The following FAT3 variants were observed in gnomAD, a reference collection of about 807,000 sequenced individuals.
FAT3 encodes the protein FAT atypical cadherin 3.
In FAT3, 95 loss-of-function variants were observed where a neutral mutation model predicts 310.2. That is an observed-to-expected ratio of 0.31 (90% CI 0.26 to 0.36). FAT3 has a LOEUF of 0.36. FAT3 is among the 10% of genes least tolerant of loss of function. The pLI, the probability that FAT3 is intolerant of heterozygous loss-of-function variation, is 1.00. For synonymous variants in FAT3, 2,314 were observed against 2,192.9 expected, an observed-to-expected ratio of 1.06 and a Z score of -1.54; for missense variants, 5,408 against 5,715.6, an observed-to-expected ratio of 0.95 and a Z score of 1.74.
intron 3 of FAT3, among the ~76,000 whole-genome samples, chr11:92,628,571 G>A (rs1941422048): frequency 6.6e-6 from 1 of 152,188 alleles, no homozygotes; most frequent in African/African-American, 2.4e-5. Flanking sequence ...TCTTTAAATT[G>A]CAATTGACAG....
chr11:92,455,652 G>A (rs1951475889), intron 2 of FAT3, among the ~76,000 whole-genome samples: 1 of 152,146 alleles, frequency 6.6e-6, no homozygotes, highest in Non-Finnish European at 1.5e-5. Flanking sequence ...CCTTAGTTAA[G>A]TGGTGATATA....
intron 4 of FAT3, among the ~76,000 whole-genome samples, chr11:92,730,113 G>A (rs1477160044): frequency 2.0e-5 from 3 of 152,164 alleles, no homozygotes; most frequent in Non-Finnish European, 2.9e-5. Context: ...AGGCCGAGGT[G>A]GGAGAATCAC....
At chr11:92,271,731 T>A (rs74440856) in intron 1 of FAT3, among the ~76,000 whole-genome samples, 2,273 of 152,266 alleles carry the variant, frequency 0.015, 60 homozygotes, top group African/African-American at 0.052. Flanking sequence ...AAGAGAGAGG[T>A]AACAATTTGC....
intron 1 of FAT3, among the ~76,000 whole-genome samples, chr11:92,344,327 G>A (rs993094649): frequency 1.3e-5 from 2 of 152,068 alleles, no homozygotes; most frequent in Non-Finnish European, 2.9e-5. Context: ...TTCCTCCAAC[G>A]TCCTGCTGGG....
intron 22 of FAT3, among the ~76,000 whole-genome samples, chr11:92,878,758 C>CA (rs1287005136): frequency 7.2e-6 from 1 of 139,566 alleles, no homozygotes; most frequent in African/African-American, 2.6e-5. Context: ...AAAAGTAAAG[C>CA]AAAACCTCAT....
intron 2 of FAT3, among the ~76,000 whole-genome samples, chr11:92,506,191 GC>G (rs1953094531): frequency 3.3e-5 from 5 of 152,212 alleles, no homozygotes; most frequent in African/African-American, 9.6e-5. Context: ...TTGCATTTTT[GC>G]AAACCTTTCT....
chr11:92,872,411 T>C lies in FAT3; in HGVS notation c.12127+5202T>C, dbSNP rs571879369. The stretch of plus-strand genomic sequence containing the variant: ...TGCTCCACCCACTGGCTTACTGAGC[T>C]TCGAGAAGGGAGATGTCAAACTCCC... On this transcript the variant is annotated intron_variant, in intron 22 of 27. Coordinates refer to ENST00000525166, the MANE Select transcript of FAT3 (RefSeq NM_001367949.2). 5.3e-5 allele frequency among the ~76,000 whole-genome samples: 8 copies of C among 152,336 alleles called. No homozygotes were observed. In the South Asian group the frequency reaches 1.7e-3, roughly 32 times the overall value.
intron 1 of FAT3, among the ~76,000 whole-genome samples, chr11:92,337,878 A>T (rs1235220275): frequency 1.3e-5 from 2 of 152,206 alleles, no homozygotes; most frequent in South Asian, 2.1e-4. Context: ...ATGGGCATTG[A>T]AAAGCACGTT....
intron 2 of FAT3, among the ~76,000 whole-genome samples, chr11:92,492,874 AG>A (rs1952648631): frequency 6.6e-6 from 1 of 152,112 alleles, no homozygotes; most frequent in Non-Finnish European, 1.5e-5. Context: ...TCCCTGAGGC[AG>A]TCATCATCAA....
intron 2 of FAT3, 124 bp from the exon 3 acceptor site, chr11:92,524,510 A>G: frequency 1.3e-6 from 1 of 785,060 alleles, no homozygotes; most frequent in Non-Finnish European, 2.0e-6. Context: ...ATTTAACCTT[A>G]TGTTATGGAT....
chr11:92,333,704 C>T (rs1257136961), intron 1 of FAT3, among the ~76,000 whole-genome samples: 1 of 151,894 alleles, frequency 6.6e-6, no homozygotes, highest in African/African-American at 2.4e-5. Context: ...TCTACTTCTG[C>T]CTCATAAATA....
chr11:92,753,798 G>GTGTA lies in FAT3; in HGVS notation c.3670-8057_3670-8056insGTAT. Among the ~76,000 whole-genome samples the GTGTA allele has an allele frequency of 4.8e-4, 57 of 119,182 alleles. 3 individuals are homozygous for GTGTA. Among genetic ancestry groups the GTGTA allele is most frequent in the African/African-American group, 2.0e-3 (52 of 25,744 alleles). The allele number at this position is 119,182 out of a possible 152,430, so 78.2% of individuals were successfully genotyped here. On this transcript the variant is annotated intron_variant, in intron 4 of 27. Transcript: ENST00000525166. ...GGTGTGTGTGTGTGTGTGTGTGTGT[G>GTGTA]TATATATATATGGTGGAATACTACT...
intron 3 of FAT3, among the ~76,000 whole-genome samples, chr11:92,638,089 C>CATTTT (rs1293249154): frequency 3.9e-5 from 6 of 152,188 alleles, no homozygotes; most frequent in African/African-American, 1.4e-4. Flanking sequence ...TCACTATATG[C>CATTTT]ATTTTATTGA....
chr11:92,648,122 C>G (rs780324732), intron 3 of FAT3, among the ~76,000 whole-genome samples: 2 of 152,128 alleles, frequency 1.3e-5, no homozygotes, highest in Non-Finnish European at 2.9e-5. Flanking sequence ...GAGATTTGGT[C>G]TCTCATGCTC....
chr11:92,523,383 C>G (rs764548323), intron 2 of FAT3, among the ~76,000 whole-genome samples: 1 of 152,114 alleles, frequency 6.6e-6, no homozygotes, highest in Non-Finnish European at 1.5e-5. Context: ...AACATAGCAG[C>G]TGAAATTTCA....
intron 22 of FAT3, among the ~76,000 whole-genome samples, chr11:92,867,865 TA>T (rs758359348): frequency 2.0e-5 from 3 of 152,088 alleles, no homozygotes; most frequent in Non-Finnish European, 4.4e-5. Context: ...TTTACTCTAA[TA>T]TTTTTTTCCC....
intron 1 of FAT3, among the ~76,000 whole-genome samples, chr11:92,260,531 A>G (rs73542882): frequency 0.011 from 1,699 of 152,080 alleles, 30 homozygotes; most frequent in African/African-American, 0.039. Context: ...CCCACTTTTA[A>G]TAGTTCTTTA....
chr11:92,488,318 AC>A (rs764053521), intron 2 of FAT3, among the ~76,000 whole-genome samples: 4 of 151,932 alleles, frequency 2.6e-5, no homozygotes, highest in Admixed American at 6.6e-5. Context: ...GCCCTATAGA[AC>A]CCTGAGGAGA....
chr11:92,534,841 G>T (rs1954200398), intron 3 of FAT3, among the ~76,000 whole-genome samples: 1 of 152,198 alleles, frequency 6.6e-6, no homozygotes, highest in Non-Finnish European at 1.5e-5. Context: ...ACATAAGACA[G>T]AGGAGTCTTC....
Sources: gnomAD v4.1 joint callset for allele counts (sites outside exome capture counted in the v4.1 genomes callset) on GRCh38, gnomAD v4.1.1 for gene constraint, MANE v1.5 for transcripts, NCBI Gene and HGNC (gene_info 2026-07-23, HGNC 2026-07-21) for gene names.